Variants in CRACR2A observed in about 807,000 individuals in gnomAD.
CRACR2A encodes the protein calcium release activated channel regulator 2A.
Under a neutral mutation model 90.5 loss-of-function variants are expected in CRACR2A, and 79 were observed. The observed-to-expected ratio is 0.87, with a 90% CI of 0.73 to 1.05. CRACR2A has a LOEUF of 1.05. Among genes scored for constraint, CRACR2A ranks in the 50% least tolerant of loss-of-function variants. The pLI, the probability that CRACR2A is intolerant of heterozygous loss-of-function variation, is 0.00. For synonymous variants in CRACR2A, 338 were observed against 356.7 expected (o/e 0.95, Z 0.59); for missense variants, 823 against 897.2 (o/e 0.92, Z 1.06).
intron 2 of CRACR2A, chr12:3,726,939 CA>C (rs1373734681): frequency 6.6e-6 from 1 of 151,622 alleles, no homozygotes; most frequent in Non-Finnish European, 1.5e-5. Flanking sequence ...GGGTGGATCA[CA>C]AGGTCAAGAG....
intron 3 of CRACR2A, among the ~76,000 whole-genome samples, chr12:3,701,677 CA>C (rs1380326295): frequency 6.6e-6 from 1 of 152,010 alleles, no homozygotes; most frequent in African/African-American, 2.4e-5. Context: ...GATAGTTAAA[CA>C]AAAAATCTTC....
chr12:3,669,356 C>T (rs1386770482), intron 7 of CRACR2A, among the ~76,000 whole-genome samples: 1 of 152,174 alleles, frequency 6.6e-6, no homozygotes, highest in Non-Finnish European at 1.5e-5. Context: ...CAAAGAAATT[C>T]CCAATTCTAA....
At chr12:3,621,548 A>T (rs1355069411) in intron 17 of CRACR2A, among the ~76,000 whole-genome samples, 5 of 145,542 alleles carry the variant, frequency 3.4e-5, no homozygotes, top group Non-Finnish European at 6.0e-5. Context: ...GCTACTTGGG[A>T]GGCTGAGGCA....
In CRACR2A at chr12:3,746,066, T is replaced by A. The variant is rs560159275; in HGVS notation, c.-387+6949A>T. Among the ~76,000 whole-genome samples, 1 of 152,290 alleles carries A rather than the reference T, an allele frequency of 6.6e-6. No homozygotes were observed. The highest frequency in any genetic ancestry group is 2.1e-4 in the South Asian group (1 of 4,826). ...CCTGTGCTGTAAATGCTTCCCAGCC[T>A]GGGCTGTACTTCTAGGTGCAGCTCA... On this transcript the variant is annotated intron_variant, in intron 1 of 19. Transcript: ENST00000440314. This position sits in a 1 kb window ranked among gnomAD's most constrained non-coding sequence, Gnocchi z 4.4.
At chr12:3,712,067 C>T (rs1946013026) in intron 3 of CRACR2A, among the ~76,000 whole-genome samples, 1 of 152,116 alleles carries the variant, frequency 6.6e-6, no homozygotes, top group African/African-American at 2.4e-5. Flanking sequence ...CCCATCAAAC[C>T]CCTAGTCTTC....
intron 11 of CRACR2A, 96 bp from the exon 12 acceptor site, chr12:3,644,736 G>T: frequency 1.8e-6 from 2 of 1,096,906 alleles, no homozygotes; most frequent in Non-Finnish European, 2.7e-6. Flanking sequence ...GCAGGGGAAG[G>T]TGTGGTATGG....
intron 19 of CRACR2A, among the ~76,000 whole-genome samples, chr12:3,616,395 TTTG>T (rs1867682904): frequency 6.6e-6 from 1 of 152,128 alleles, no homozygotes; most frequent in African/African-American, 2.4e-5. Context: ...CCAGCATGGT[TTTG>T]TTGTTTAAAT....
At position 3,654,387 on chromosome 12, in the gene CRACR2A, A is replaced by G; in HGVS notation, c.871T>C (p.Cys291Arg). The G allele has an allele frequency of 6.3e-7, 1 of 1,589,032 alleles. No individual in the cohort carries two copies. The highest frequency in any genetic ancestry group is 1.1e-5 in the South Asian group (1 of 88,178). Residue 291 changes from cysteine (C) to arginine (R), a missense_variant, in exon 10 of 20, where the codon TGC becomes CGC. Coordinates refer to ENST00000440314, the MANE Select transcript of CRACR2A (RefSeq NM_001144958.2). ...TGCTTGTCATGATGCAGGGCTGTGC[A>G]CTGACCTTCCAGCTGCAAAGGAATG... ...TQKQKRLEGQ[C>R]TALHHDKHET...
chr12:3,682,790 A>G lies in CRACR2A; in HGVS notation c.229-2441T>C, dbSNP rs530274596. On this transcript the variant is annotated intron_variant, in intron 4 of 19. Coordinates refer to ENST00000440314, the MANE Select transcript of CRACR2A (RefSeq NM_001144958.2). ...TTACATTATTTTTATTATTTTTATTATTACTTTTTTTTTTTTTGAGACAGA... is the reference window on the plus strand; with the variant it reads ...TTACATTATTTTTATTATTTTTATTGTTACTTTTTTTTTTTTTGAGACAGA... 2.3e-3 allele frequency among the ~76,000 whole-genome samples: 334 copies of G among 146,688 alleles called. 1 individual carries two copies. Among genetic ancestry groups the G allele is most frequent in the Non-Finnish European group, 3.4e-3 (226 of 66,368 alleles).
At chr12:3,656,142 A>C (rs1025539887) in intron 9 of CRACR2A, among the ~76,000 whole-genome samples, 169 bp downstream of exon 9, 10 of 152,214 alleles carry the variant, frequency 6.6e-5, no homozygotes, top group Non-Finnish European at 1.5e-4. Flanking sequence ...TAAAGGTTTT[A>C]TGTTGGGATC....
intron 3 of CRACR2A, among the ~76,000 whole-genome samples, chr12:3,701,893 T>C (rs1165574796): frequency 6.6e-6 from 1 of 152,162 alleles, no homozygotes; most frequent in Non-Finnish European, 1.5e-5. Flanking sequence ...ATATCCCTTA[T>C]GAACACAGAT....
Position 3,705,214 on chromosome 12 carries a change from A to G in CRACR2A, c.-37+8023T>C, listed in dbSNP as rs241998. Among the ~76,000 whole-genome samples, 471 of 152,352 alleles carry G rather than the reference A, an allele frequency of 3.1e-3. 2 individuals are homozygous for G. Among genetic ancestry groups the G allele is most frequent in the African/African-American group, 0.01 (434 of 41,578 alleles). ...CTTTTTATCTGCCTGACTCTGTGAG[A>G]GTTTCCAGGCCACTCTCCTCCCTCC... On this transcript the variant is annotated intron_variant, in intron 3 of 19. Coordinates refer to ENST00000440314, the MANE Select transcript of CRACR2A (RefSeq NM_001144958.2).
rs1423878676 is a variant in CRACR2A at position 3,654,216 on chromosome 12, C to T, written c.1042G>A (p.Glu348Lys). ...GTGGACAAAGGCTGGACTCACATCT[C>T]CTTCTCTTGGTGGAGTTTGCAGGCC... The part of the protein sequence containing the change: ...QEACKLHQEK[E>K]MEVYRVTESL... The change falls in exon 10 of 20, where the codon GAG (glutamate) becomes AAG (lysine). Residue 348 changes from glutamate (E) to lysine (K), a missense_variant. Physicochemically the swap from Glu to Lys is moderately conservative, Grantham distance 56. Transcript: ENST00000440314. The T allele has an allele frequency of 6.2e-7, 1 of 1,611,626 alleles. No homozygotes were observed.
At chr12:3,692,636 G>A (rs949461390) in intron 4 of CRACR2A, among the ~76,000 whole-genome samples, 1 of 152,162 alleles carries the variant, frequency 6.6e-6, no homozygotes, top group Non-Finnish European at 1.5e-5. Context: ...CTTTGTACGT[G>A]CCAACAGCAG....
chr12:3,629,853 G>C (rs375619372), intron 15 of CRACR2A, among the ~76,000 whole-genome samples: 53 of 151,274 alleles, frequency 3.5e-4, no homozygotes, highest in African/African-American at 9.2e-4. Flanking sequence ...AGACAAGGGG[G>C]GGGGGGGATG....
chr12:3,720,456 A>C (rs1306641220), intron 2 of CRACR2A, among the ~76,000 whole-genome samples: 2 of 150,552 alleles, frequency 1.3e-5, no homozygotes, highest in African/African-American at 5.0e-5. Context: ...AGAAAGAAAG[A>C]AAGAAAGAAA....
intron 14 of CRACR2A, among the ~76,000 whole-genome samples, chr12:3,635,680 A>AT (rs979718270): frequency 4.6e-5 from 7 of 151,908 alleles, no homozygotes; most frequent in African/African-American, 1.7e-4. Context: ...TAATTTTCTT[A>AT]TTTTTTGTAA....
At chr12:3,650,602 T>A (rs1944777576) in intron 10 of CRACR2A, among the ~76,000 whole-genome samples, 1 of 152,194 alleles carries the variant, frequency 6.6e-6, no homozygotes, top group South Asian at 2.1e-4. Context: ...CCCTGGGAGC[T>A]GAAGATCCTG....
rs1054199708 is a variant in CRACR2A at position 3,681,841 on chromosome 12, A to C, written c.229-1492T>G. ...GCTTAATTTGGCAGGTACATGCATT[A>C]AGGGAGACTATGATGCATTATAAAG... On this transcript the variant is annotated intron_variant, in intron 4 of 19. Transcript: ENST00000440314. 2.6e-5 allele frequency among the ~76,000 whole-genome samples: 4 copies of C among 152,338 alleles called. No homozygotes were observed. The South Asian group carries it at 8.3e-4, about 32-fold the overall frequency.
Sources: gnomAD v4.1 joint callset for allele counts (sites outside exome capture counted in the v4.1 genomes callset) on GRCh38, gnomAD v4.1.1 for gene constraint, Gnocchi (gnomAD v3.1) non-coding constraint, MANE v1.5 for transcripts, NCBI Gene and HGNC (gene_info 2026-07-23, HGNC 2026-07-21) for gene names.